PTPRO: variants seen among roughly 807,000 people sequenced by gnomAD.
PTPRO encodes the protein protein tyrosine phosphatase receptor type O.
In PTPRO, 62 loss-of-function variants were observed where a neutral mutation model predicts 145.2. The ratio of observed to expected loss-of-function variants is 0.43; its 90% confidence interval spans 0.35 to 0.53. The LOEUF (loss-of-function observed/expected upper bound fraction) is 0.53. Among genes scored for constraint, PTPRO ranks in the 20% least tolerant of loss-of-function variants. The pLI, the probability that PTPRO is intolerant of heterozygous loss-of-function variation, is 0.01. For synonymous variants in PTPRO, 565 were observed against 514.7 expected, an observed-to-expected ratio of 1.10 and a Z score of -1.32; for missense variants, 1,345 against 1,482.7, an observed-to-expected ratio of 0.91 and a Z score of 1.53.
chr12:15,369,033 T>C (rs1172751077), intron 1 of PTPRO, among the ~76,000 whole-genome samples: 1 of 152,204 alleles, frequency 6.6e-6, no homozygotes, highest in African/African-American at 2.4e-5. Context: ...AGATGGATGG[T>C]GCTTAGTTTG....
intron 19 of PTPRO, among the ~76,000 whole-genome samples, chr12:15,572,788 G>T (rs1944086940): frequency 6.6e-6 from 1 of 151,986 alleles, no homozygotes; most frequent in Non-Finnish European, 1.5e-5. Flanking sequence ...CTAGATCAAT[G>T]GTTCTCAACT....
At chr12:15,432,192 C>A (rs2136342951) in intron 1 of PTPRO, among the ~76,000 whole-genome samples, 1 of 152,252 alleles carries the variant, frequency 6.6e-6, no homozygotes, top group East Asian at 1.9e-4. Flanking sequence ...TCCATTGTTC[C>A]CCTCTATGTG....
chr12:15,496,877 A>C (rs1437239572), intron 2 of PTPRO, among the ~76,000 whole-genome samples: 6 of 152,198 alleles, frequency 3.9e-5, no homozygotes, highest in African/African-American at 1.4e-4. Flanking sequence ...TAAACTAGGA[A>C]TCTGGAGATA....
At chr12:15,440,766 TA>T (rs776998227) in intron 1 of PTPRO, among the ~76,000 whole-genome samples, 1 of 151,450 alleles carries the variant, frequency 6.6e-6, no homozygotes, top group Admixed American at 6.6e-5. Context: ...CCAACAACAG[TA>T]AAAAAAAGAC....
chr12:15,593,219 C>G (rs1253375626), intron 25 of PTPRO, among the ~76,000 whole-genome samples: 1 of 152,212 alleles, frequency 6.6e-6, no homozygotes, highest in Non-Finnish European at 1.5e-5. Context: ...TTGAAAAATA[C>G]AGGTTAGGCT....
chr12:15,471,346 C>A (rs1591840969), intron 1 of PTPRO, among the ~76,000 whole-genome samples: 1 of 152,242 alleles, frequency 6.6e-6, no homozygotes, highest in South Asian at 2.1e-4. Flanking sequence ...GGCCACTGCA[C>A]TCCAGCCTGC....
intron 1 of PTPRO, among the ~76,000 whole-genome samples, chr12:15,473,752 G>A (rs1941592365): frequency 8.5e-6 from 1 of 117,672 alleles, no homozygotes; most frequent in African/African-American, 3.4e-5. Context: ...GGGCAACAGA[G>A]TGAGAGACTC....
At chr12:15,360,152 A>C (rs1591739577) in intron 1 of PTPRO, among the ~76,000 whole-genome samples, 1 of 152,154 alleles carries the variant, frequency 6.6e-6, no homozygotes, top group East Asian at 1.9e-4. Flanking sequence ...CCCTTCTTAA[A>C]ATGTATCGCA....
Position 15,360,911 on chromosome 12 carries a change from T to C in PTPRO, c.75+38110T>C, listed in dbSNP as rs146902341. On this transcript the variant is annotated intron_variant, in intron 1 of 26. Transcript: ENST00000281171. ...ACATGTGTATATACACACACATATA[T>C]ACACACATGTATATACACACACATA... Among the ~76,000 whole-genome samples the C allele has an allele frequency of 8.3e-5, 12 of 144,814 alleles. 1 individual carries two copies. In the East Asian group the frequency reaches 1.0e-3, roughly 13 times the overall value.
At chr12:15,571,062 T>C (rs1658741099) in intron 19 of PTPRO, among the ~76,000 whole-genome samples, 1 of 152,188 alleles carries the variant, frequency 6.6e-6, no homozygotes, top group Non-Finnish European at 1.5e-5. Context: ...AGGTATCTCA[T>C]ACAATCAAAG....
intron 1 of PTPRO, among the ~76,000 whole-genome samples, chr12:15,427,403 T>A (rs1276534919): frequency 1.3e-5 from 2 of 152,026 alleles, no homozygotes; most frequent in African/African-American, 4.8e-5. Flanking sequence ...TAATTGTATC[T>A]TGCTGATATA....
chr12:15,444,972 T>TTC (rs1246684041), intron 1 of PTPRO, among the ~76,000 whole-genome samples: 5 of 152,122 alleles, frequency 3.3e-5, no homozygotes, highest in African/African-American at 1.2e-4. Flanking sequence ...TCTCAATGGG[T>TTC]TCTATAATTA....
chr12:15,330,038 T>C (rs1409521873), intron 1 of PTPRO, among the ~76,000 whole-genome samples: 1 of 152,190 alleles, frequency 6.6e-6, no homozygotes, highest in Non-Finnish European at 1.5e-5. Flanking sequence ...TCAGGGAGAC[T>C]TCTACATGCT....
chr12:15,460,977 G>A (rs1442422812), intron 1 of PTPRO, among the ~76,000 whole-genome samples: 1 of 151,998 alleles, frequency 6.6e-6, no homozygotes, highest in East Asian at 1.9e-4. Flanking sequence ...CTTCATCCAG[G>A]GCACTCTTAA....
intron 1 of PTPRO, among the ~76,000 whole-genome samples, chr12:15,386,861 C>T (rs1194012178): frequency 6.6e-6 from 1 of 152,150 alleles, no homozygotes; most frequent in Non-Finnish European, 1.5e-5. Context: ...ACCTTCCTCT[C>T]CAACAGTCAA....
intron 1 of PTPRO, among the ~76,000 whole-genome samples, chr12:15,360,553 C>T (rs756124384): frequency 6.6e-5 from 10 of 151,920 alleles, no homozygotes; most frequent in South Asian, 2.1e-4. Flanking sequence ...CACCCAAGTA[C>T]GGTTTGAGCC....
chr12:15,570,627 T>C (rs765807811), intron 19 of PTPRO, among the ~76,000 whole-genome samples: 1 of 152,168 alleles, frequency 6.6e-6, no homozygotes, highest in Non-Finnish European at 1.5e-5. Context: ...CCAAATGCTA[T>C]ACTCAAAGAA....
At chr12:15,371,843 C>A (rs1330661275) in intron 1 of PTPRO, among the ~76,000 whole-genome samples, 1 of 152,036 alleles carries the variant, frequency 6.6e-6, no homozygotes, top group African/African-American at 2.4e-5. Flanking sequence ...TTATAAGGGG[C>A]TCTTCCCCCT....
chr12:15,475,951 T>C (rs1424273285), intron 1 of PTPRO, among the ~76,000 whole-genome samples: 2 of 152,204 alleles, frequency 1.3e-5, no homozygotes, highest in Non-Finnish European at 2.9e-5. Context: ...ACATCTCAGC[T>C]GTTCCAGATC....
Sources: gnomAD v4.1 joint callset for allele counts (sites outside exome capture counted in the v4.1 genomes callset) on GRCh38, gnomAD v4.1.1 for gene constraint, MANE v1.5 for transcripts, NCBI Gene and HGNC (gene_info 2026-07-23, HGNC 2026-07-21) for gene names.